The following DPYD variants were observed in gnomAD, a reference collection of about 807,000 sequenced individuals.
DPYD encodes dihydropyrimidine dehydrogenase [NADP(+)].
Under a neutral mutation model 116.2 loss-of-function variants are expected in DPYD, and 109 were observed. That is an observed-to-expected ratio of 0.94 (90% CI 0.80 to 1.10). The LOEUF is 1.10. Ranked by LOEUF, DPYD falls within the 50% of genes least tolerant of loss-of-function variation. The pLI is 0.00. For missense variants in DPYD, 1,302 were observed against 1,254.5 expected (o/e 1.04, Z -0.57); for synonymous variants, 440 against 432.0 (o/e 1.02, Z -0.23).
intron 3 of DPYD, among the ~76,000 whole-genome samples, chr1:97,767,755 C>CTTTTTTTTT (rs34390188): frequency 8.9e-6 from 1 of 112,486 alleles, no homozygotes; most frequent in Admixed American, 9.6e-5. Flanking sequence ...TTGGGGCTGG[C>CTTTTTTTTT]TTTTTTTTTT....
At chr1:97,619,389 C>T (rs1050554258) in intron 8 of DPYD, among the ~76,000 whole-genome samples, 1 of 152,064 alleles carries the variant, frequency 6.6e-6, no homozygotes, top group South Asian at 2.1e-4. Flanking sequence ...CTGTTTGATT[C>T]GCTTGTCTTT....
chr1:97,711,231 A>T (rs1250351043), intron 5 of DPYD, among the ~76,000 whole-genome samples: 1 of 151,890 alleles, frequency 6.6e-6, no homozygotes, highest in Non-Finnish European at 1.5e-5. Flanking sequence ...AAACCAATTG[A>T]ATAGAGTGGT....
intron 8 of DPYD, among the ~76,000 whole-genome samples, chr1:97,629,008 TGTGCAGCAGGA>T (rs1557847260): frequency 3.3e-5 from 5 of 152,078 alleles, no homozygotes; most frequent in Non-Finnish European, 7.4e-5. Context: ...TGATTTAACA[TGTGCAGCAGGA>T]CTAGGTGAGT....
At chr1:97,253,323 T>C (rs1292720942) in intron 18 of DPYD, among the ~76,000 whole-genome samples, 5 of 152,348 alleles carry the variant, frequency 3.3e-5, no homozygotes, top group South Asian at 2.1e-4. Context: ...CCAGTATTTG[T>C]ATTCTTTCTG....
At chr1:97,786,359 T>C (rs1223422068) in intron 3 of DPYD, among the ~76,000 whole-genome samples, 1 of 152,216 alleles carries the variant, frequency 6.6e-6, no homozygotes, top group Non-Finnish European at 1.5e-5. Flanking sequence ...ATGTGGACAT[T>C]TGTGACGTGT....
chr1:97,887,742 C>T (rs540011519), intron 1 of DPYD, among the ~76,000 whole-genome samples: 2 of 152,036 alleles, frequency 1.3e-5, no homozygotes, highest in South Asian at 4.2e-4. Flanking sequence ...CAAATCTCAT[C>T]TTGAATTGTA....
intron 11 of DPYD, among the ~76,000 whole-genome samples, chr1:97,553,968 A>G (rs769909758): frequency 6.6e-6 from 1 of 150,412 alleles, no homozygotes; most frequent in Non-Finnish European, 1.5e-5. Flanking sequence ...TTCTGCTTTA[A>G]TTACTACTAT....
intron 6 of DPYD, 106 bp from the exon 7 acceptor site, chr1:97,691,904 T>TA (rs1661029187): frequency 1.2e-6 from 1 of 840,542 alleles, no homozygotes; most frequent in African/African-American, 1.7e-5. Flanking sequence ...AGAAAATAAA[T>TA]ATCTCTTCCA....
chr1:97,905,126 A>C (rs1266412277), intron 1 of DPYD, among the ~76,000 whole-genome samples: 1 of 152,034 alleles, frequency 6.6e-6, no homozygotes, highest in Non-Finnish European at 1.5e-5. Context: ...TTTCAGATTA[A>C]CTGAGAACTA....
intron 12 of DPYD, chr1:97,546,240 A>C: frequency 6.6e-7 from 1 of 1,525,204 alleles, no homozygotes; most frequent in East Asian, 2.2e-5. Flanking sequence ...TAAAGGACCC[A>C]AGAAAACTGC....
chr1:97,486,453 G>A (rs539688679), intron 13 of DPYD, among the ~76,000 whole-genome samples: 139 of 152,158 alleles, frequency 9.1e-4, no homozygotes, highest in Middle Eastern at 3.4e-3. Context: ...CTAATGACTG[G>A]AAAAATAATA....
chr1:97,570,120 A>G (rs2786542), intron 11 of DPYD, among the ~76,000 whole-genome samples: 2,326 of 152,132 alleles, frequency 0.015, 51 homozygotes, highest in African/African-American at 0.053. Flanking sequence ...GTTATTTTAC[A>G]TTCTCCATTG....
intron 18 of DPYD, among the ~76,000 whole-genome samples, chr1:97,288,034 T>G (rs1038277382): frequency 2.7e-5 from 4 of 150,124 alleles, no homozygotes; most frequent in African/African-American, 9.8e-5. Flanking sequence ...AGGGTTGCAA[T>G]CCTACTCTCT....
At chr1:97,380,730 A>ATC (rs1671908384) in intron 15 of DPYD, among the ~76,000 whole-genome samples, 1 of 152,190 alleles carries the variant, frequency 6.6e-6, no homozygotes. Flanking sequence ...CCCAAAAGAA[A>ATC]TGTATATGTT....
At chr1:97,852,002 T>A (rs1411212911) in intron 2 of DPYD, among the ~76,000 whole-genome samples, 1 of 97,350 alleles carries the variant, frequency 1.0e-5, no homozygotes, top group Non-Finnish European at 2.2e-5. Context: ...AAAAAAGACA[T>A]ACCAGAGACT....
chr1:97,292,184 A>G (rs2100989540), intron 18 of DPYD, among the ~76,000 whole-genome samples: 1 of 152,270 alleles, frequency 6.6e-6, no homozygotes, highest in African/African-American at 2.4e-5. Flanking sequence ...GGTGACTATT[A>G]TCATACTAAA....
Position 97,653,309 on chromosome 1 carries a change from T to C in DPYD, c.850+25786A>G, listed in dbSNP as rs563110879. On this transcript the variant is annotated intron_variant, in intron 8 of 22. Transcript: ENST00000370192. Reference sequence around the variant, plus strand: ...TTCAGTTTGTTTCTTTCTCCTTTTTTTTTTTTTTTTTATTTTGAGACAGTC... The same window carrying C: ...TTCAGTTTGTTTCTTTCTCCTTTTTCTTTTTTTTTTTATTTTGAGACAGTC... 3.3e-5 allele frequency among the ~76,000 whole-genome samples: 5 copies of C among 151,848 alleles called. 1 individual carries two copies. The South Asian group carries it at 1.0e-3, about 32-fold the overall frequency.
chr1:97,178,749 T>C (rs1467509126), intron 20 of DPYD, among the ~76,000 whole-genome samples: 1 of 152,164 alleles, frequency 6.6e-6, no homozygotes, highest in African/African-American at 2.4e-5. Flanking sequence ...TGGAATTCTA[T>C]ATTAATCCTC....
intron 7 of DPYD, among the ~76,000 whole-genome samples, chr1:97,684,002 T>C (rs1660569442): frequency 6.6e-6 from 1 of 152,176 alleles, no homozygotes; most frequent in East Asian, 1.9e-4. Context: ...ATGAAGTAAG[T>C]TTACAACTCA....
Sources: gnomAD v4.1 joint callset for allele counts (sites outside exome capture counted in the v4.1 genomes callset) on GRCh38, gnomAD v4.1.1 for gene constraint, MANE v1.5 for transcripts, NCBI Gene and HGNC (gene_info 2026-07-23, HGNC 2026-07-21) for gene names.